The following DYNC2I2 variants were observed in gnomAD, a reference collection of about 807,000 sequenced individuals.
DYNC2I2 encodes dynein 2 intermediate chain 2, also known as cytoplasmic dynein 2 intermediate chain 2.
A neutral mutation model predicts 52.0 loss-of-function variants in DYNC2I2; 39 were observed. The ratio of observed to expected loss-of-function variants is 0.75; its 90% CI spans 0.58 to 0.98. The LOEUF (loss-of-function observed/expected upper bound fraction) is 0.98. Among genes scored for constraint, DYNC2I2 ranks in the 50% least tolerant of loss-of-function variants. The pLI, the probability that DYNC2I2 is intolerant of heterozygous loss-of-function variation, is 0.00. For missense variants in DYNC2I2, 743 were observed against 728.4 expected (o/e 1.02, Z -0.23); for synonymous variants, 359 against 321.1 (o/e 1.12, Z -1.26).
the DYNC2I2 span, among the ~76,000 whole-genome samples, chr9:128,682,672 CT>C: frequency 6.6e-3 from 791 of 120,610 alleles, 3 homozygotes; most frequent in East Asian, 0.026. Flanking sequence ...GGGACCTTGT[CT>C]TTTTTTTTTT....
intron 1 of DYNC2I2, among the ~76,000 whole-genome samples, chr9:128,655,693 A>G (rs1183780839): frequency 6.8e-6 from 1 of 146,110 alleles, no homozygotes; most frequent in African/African-American, 2.6e-5. Context: ...GCGGATCACG[A>G]GGACAGGAGA....
chr9:128,633,759 T>C lies in DYNC2I2; in HGVS notation c.1596A>G (p.Ala532=). ...REAEDLDCLA[A]EVAA is the part of the protein sequence containing the mutation. ...CCGGGACCCCTCAGGCCGCCACCTC[T>C]GCTGCCAGGCAGTCCAGGTCCTCAG... The change falls in exon 9 of 9, where the codon GCA becomes GCG. Residue 532 remains alanine, a synonymous_variant. Coordinates refer to ENST00000372715, the MANE Select transcript of DYNC2I2 (RefSeq NM_052844.4). 6.2e-7 allele frequency: 1 copy of C among 1,613,176 alleles called. No individual in the cohort carries two copies. Among genetic ancestry groups the C allele is most frequent in the Non-Finnish European group, 8.5e-7 (1 of 1,180,016 alleles).
the DYNC2I2 span, among the ~76,000 whole-genome samples, chr9:128,665,925 A>T: frequency 1.4e-5 from 2 of 147,190 alleles, no homozygotes; most frequent in South Asian, 2.1e-4. Context: ...AAAAAAAAAA[A>T]TTAGCCGGGC....
chr9:128,634,136 G>C, intron 8 of DYNC2I2, 90 bp downstream of exon 8: 1 of 1,579,454 alleles, frequency 6.3e-7, no homozygotes, highest in Non-Finnish European at 8.6e-7. Context: ...CCCCATGTGT[G>C]GTCTTTTCCC....
chr9:128,672,476 G>A, the DYNC2I2 span, among the ~76,000 whole-genome samples: 6 of 150,348 alleles, frequency 4.0e-5, no homozygotes, highest in Non-Finnish European at 8.8e-5. Context: ...TTACAGTTGT[G>A]AGCCACTACA....
chr9:128,636,796 G>A (rs1860424106), intron 3 of DYNC2I2, 122 bp downstream of exon 3: 3 of 763,898 alleles, frequency 3.9e-6, no homozygotes, highest in Admixed American at 2.4e-5. Context: ...GAAGGCTTGA[G>A]AAGAGACTCC....
intron 1 of DYNC2I2, among the ~76,000 whole-genome samples, chr9:128,654,379 C>T (rs960139828): frequency 1.3e-5 from 2 of 152,136 alleles, no homozygotes; most frequent in Admixed American, 6.6e-5. Context: ...CCCAATGCTG[C>T]TCATTTTCAG....
At chr9:128,661,304 C>CAA (rs34937317), upstream of DYNC2I2, among the ~76,000 whole-genome samples, 34 of 62,110 alleles carry the variant, frequency 5.5e-4, no homozygotes, top group South Asian at 1.7e-3. Flanking sequence ...GACTCCATCT[C>CAA]AAAAAAAAAA....
intron 8 of DYNC2I2, 64 bp downstream of exon 8, chr9:128,634,162 G>T: frequency 6.2e-7 from 1 of 1,600,150 alleles, no homozygotes; most frequent in Non-Finnish European, 8.5e-7. Flanking sequence ...CAGAACCCCA[G>T]GTACAAGCAG....
chr9:128,659,675 G>A (rs892479302), upstream of DYNC2I2, among the ~76,000 whole-genome samples: 5 of 151,772 alleles, frequency 3.3e-5, no homozygotes, highest in Admixed American at 6.6e-5. Context: ...TTTGGAGGCC[G>A]AGGCGGGTGG....
upstream of DYNC2I2, among the ~76,000 whole-genome samples, chr9:128,660,226 G>A (rs968994608): frequency 4.8e-5 from 7 of 146,668 alleles, no homozygotes; most frequent in African/African-American, 1.3e-4. Context: ...CTCCTGCCTC[G>A]GCCTCCCAAG....
rs1860748091 is a variant in DYNC2I2 at position 128,653,049 on chromosome 9, T to C, written c.186+3492A>G. ...TTCAAGACCAGCCTGGCCAGCATGG[T>C]GAAACCCTGTCTCTACTAAAAACAC... On this transcript the variant is annotated intron_variant, in intron 1 of 8. Transcript: ENST00000372715. Among the ~76,000 whole-genome samples the C allele has an allele frequency of 1.3e-5, 2 of 148,868 alleles. 1 individual carries two copies.
chr9:128,648,645 A>AT (rs1401538010), intron 1 of DYNC2I2, among the ~76,000 whole-genome samples: 3 of 151,452 alleles, frequency 2.0e-5, no homozygotes, highest in Non-Finnish European at 4.4e-5. Context: ...AAAAAAAAAA[A>AT]AAAAATTAGC....
intron 8 of DYNC2I2, 24 bp downstream of exon 8, chr9:128,634,201 TC>T (rs1163705385): frequency 6.2e-7 from 1 of 1,612,550 alleles, no homozygotes; most frequent in African/African-American, 1.3e-5. Context: ...CTTAAACAGA[TC>T]CAGGCCTAGC....
At chr9:128,657,531 G>A (rs1435668984), upstream of DYNC2I2, among the ~76,000 whole-genome samples, 2 of 152,032 alleles carry the variant, frequency 1.3e-5, no homozygotes, top group African/African-American at 2.4e-5. Flanking sequence ...GGCCAGGTGC[G>A]GTGGCTCACA....
intron 1 of DYNC2I2, among the ~76,000 whole-genome samples, chr9:128,655,380 G>A (rs1445440135): frequency 5.1e-5 from 7 of 137,968 alleles, no homozygotes; most frequent in Non-Finnish European, 9.3e-5. Context: ...GCGTGGTGGC[G>A]GGCGCCTGTA....
the DYNC2I2 span, among the ~76,000 whole-genome samples, chr9:128,675,898 A>G: frequency 6.6e-6 from 1 of 152,128 alleles, no homozygotes; most frequent in African/African-American, 2.4e-5. Context: ...TGGAGAGGAA[A>G]GGAAAGGTGG....
chr9:128,666,700 A>G, the DYNC2I2 span, among the ~76,000 whole-genome samples: 1 of 151,468 alleles, frequency 6.6e-6, no homozygotes, highest in African/African-American at 2.4e-5. Context: ...CAGAGGTTTC[A>G]GTGACCTGAG....
At chr9:128,636,696 A>AGGCC (rs1860422241) in intron 3 of DYNC2I2, among the ~76,000 whole-genome samples, 1 of 152,158 alleles carries the variant, frequency 6.6e-6, no homozygotes, top group Non-Finnish European at 1.5e-5. Context: ...CGAGGCAGGC[A>AGGCC]GGCCCAGGGC....
Sources: allele counts gnomAD v4.1 joint callset (sites outside exome capture counted in the v4.1 genomes callset), GRCh38; gene constraint gnomAD v4.1.1; transcripts MANE v1.5; gene names NCBI Gene and HGNC (gene_info 2026-07-23, HGNC 2026-07-21).